MTERF4: variants seen among roughly 807,000 people sequenced by gnomAD.
MTERF4 encodes mitochondrial transcription termination factor 4.
A neutral mutation model predicts 22.5 loss-of-function variants in MTERF4; 17 were observed. The observed-to-expected ratio is 0.75, with a 90% CI of 0.52 to 1.13. The LOEUF (loss-of-function observed/expected upper bound fraction) is 1.13, where lower values mean the gene tolerates loss of function less well. Ranked by LOEUF, MTERF4 falls within the 50% of genes most tolerant of loss-of-function variation. The probability of loss-of-function intolerance (pLI) is 0.00; values close to 1 mark genes in which losing one functional copy is unlikely to be tolerated. For missense variants in MTERF4, 420 were observed against 466.8 expected, an observed-to-expected ratio of 0.90 and a Z score of 0.92; for synonymous variants, 165 against 175.3, an observed-to-expected ratio of 0.94 and a Z score of 0.47.
chr2:241,048,760 G>C, the MTERF4 span: 1 of 1,609,208 alleles, frequency 6.2e-7, no homozygotes. Context: ...GCTTCTCTGT[G>C]AATTTGGTAG....
In MTERF4 at chr2:241,099,559, G is replaced by A. The variant is rs774992132; in HGVS notation, c.357C>T (p.Ala119=). 1.9e-6 allele frequency: 3 copies of A among 1,614,188 alleles called. No homozygotes were observed. Among genetic ancestry groups the A allele is most frequent in the Non-Finnish European group, 2.5e-6 (3 of 1,180,036 alleles). ...INELLSVRRG[A]SLQQLLDIIS... ...TGATGTCCAGCAACTGTTGAAGACT[G>A]GCACCTCGCCGTACACTGAGCAATT... The change falls in exon 2 of 4, where the codon GCC becomes GCT. Residue 119 remains alanine, a synonymous_variant. Coordinates refer to ENST00000391980, the MANE Select transcript of MTERF4 (RefSeq NM_182501.4).
downstream of MTERF4, among the ~76,000 whole-genome samples, chr2:241,085,172 TTTTGCCATTA>T (rs1241977656): frequency 6.6e-6 from 1 of 152,188 alleles, no homozygotes; most frequent in African/African-American, 2.4e-5. Context: ...TTCGTAAAAT[TTTTGCCATTA>T]TTTCTTCATA....
At chr2:241,088,242 C>T, downstream of MTERF4, 1 of 740,894 alleles carries the variant, frequency 1.3e-6, no homozygotes, top group African/African-American at 1.7e-5. Flanking sequence ...AATGGTGTCC[C>T]CCACCGTGGA....
chr2:241,085,860 C>CTTTTTTTTTTT (rs772995766), downstream of MTERF4, among the ~76,000 whole-genome samples: 13 of 79,188 alleles, frequency 1.6e-4, no homozygotes, highest in Non-Finnish European at 2.4e-4. Context: ...TCTGCGGTTT[C>CTTTTTTTTTTT]TTTTTTTTTT....
At chr2:241,093,724 C>A (rs2064197863), downstream of MTERF4, 1 of 152,292 alleles carries the variant, frequency 6.6e-6, no homozygotes, top group Non-Finnish European at 1.5e-5. Flanking sequence ...AGTAAAAAGA[C>A]TTCCTGGTGC....
intron 2 of MTERF4, 40 bp from the exon 3 acceptor site, chr2:241,097,467 A>G (rs1241520027): frequency 6.3e-7 from 1 of 1,581,698 alleles, no homozygotes; most frequent in Non-Finnish European, 8.6e-7. Flanking sequence ...TAATTTCAGG[A>G]TACTCCAGAA....
downstream of MTERF4, chr2:241,082,295 G>A (rs577568792): frequency 3.3e-5 from 54 of 1,612,926 alleles, no homozygotes; most frequent in East Asian, 4.5e-5. Context: ...AAGGTGTCCC[G>A]CCCCTGCACA....
At chr2:241,094,274 C>T (rs1463585622), downstream of MTERF4, 1 of 468,842 alleles carries the variant, frequency 2.1e-6, no homozygotes, top group Non-Finnish European at 4.4e-6. The surrounding 1 kb of genome is among the most constrained non-coding windows in gnomAD (Gnocchi z 4.3). Flanking sequence ...GGTATCAGCT[C>T]ACCTCCTGCA....
At chr2:241,064,752 G>A in the MTERF4 span, 2 of 883,290 alleles carry the variant, frequency 2.3e-6, no homozygotes, top group Non-Finnish European at 3.4e-6. The surrounding 1 kb of genome is among the most constrained non-coding windows in gnomAD (Gnocchi z 7.0). Context: ...CACCCACGCA[G>A]GAGGGACCCA....
At chr2:241,099,933 T>C in intron 1 of MTERF4, 39 bp from the exon 2 acceptor site, 1 of 1,593,442 alleles carries the variant, frequency 6.3e-7, no homozygotes. Context: ...AATTCCTCAC[T>C]ATTCCAGTGT....
At position 241,095,824 on chromosome 2, in the gene MTERF4, TGTTTG is replaced by T. The variant is rs1016155762; in HGVS notation, c.*169_*173del. On this transcript the variant is annotated 3_prime_UTR_variant, in exon 4 of 4. Coordinates refer to ENST00000391980, the MANE Select transcript of MTERF4 (RefSeq NM_182501.4). The stretch of plus-strand genomic sequence containing the variant: ...GATCAAACATGCATTTCCTGTTTCC[TGTTTG>T]GTTTGATCTGTCTGCCTCTCAGGTG... 1.2e-5 allele frequency: 14 copies of T among 1,182,464 alleles called. No homozygotes were observed. The highest frequency in any genetic ancestry group is 4.7e-5 in the East Asian group (2 of 42,524). The allele number at this position is 1,182,464 out of a possible 1,614,324, so 73.2% of individuals were successfully genotyped here.
At chr2:241,090,595 C>T, downstream of MTERF4, 1 of 979,252 alleles carries the variant, frequency 1.0e-6, no homozygotes, top group Middle Eastern at 3.6e-4. Context: ...AGCATCACCA[C>T]AAACACAAAA....
downstream of MTERF4, chr2:241,088,354 A>C: frequency 6.2e-7 from 1 of 1,602,510 alleles, no homozygotes; most frequent in Non-Finnish European, 8.6e-7. Flanking sequence ...ACTTTTCTCT[A>C]ATTATTTCAG....
chr2:241,097,341 C>T lies in MTERF4; in HGVS notation c.607G>A (p.Glu203Lys). 1 of 1,614,184 alleles carries T rather than the reference C, an allele frequency of 6.2e-7. No homozygotes were observed. The highest frequency in any genetic ancestry group is 8.5e-7 in the Non-Finnish European group (1 of 1,180,028). The change falls in exon 3 of 4, where the codon GAG becomes AAG. Residue 203 changes from glutamate to lysine, a missense_variant. Glu to Lys is a moderately conservative substitution (Grantham distance 56). Transcript: ENST00000391980. ...DINDTVRLLKEKCLFTVQQVT... is the reference protein window; with the variant it reads ...DINDTVRLLKKKCLFTVQQVT... ...TGCTGTACCGTGAAAAGGCACTTCT[C>T]CTTGAGAAGCCTGACAGTGTCGTTA...
At chr2:241,074,003 A>T (rs1478552438) in exon 5 of MTERF4, 1 of 152,950 alleles carries the variant, frequency 6.5e-6, no homozygotes, top group Non-Finnish European at 1.5e-5. Flanking sequence ...GTCAGACTCT[A>T]CCTTTCTCCT....
At chr2:241,066,806 T>C in the MTERF4 span, among the ~76,000 whole-genome samples, 1 of 152,172 alleles carries the variant, frequency 6.6e-6, no homozygotes, top group Non-Finnish European at 1.5e-5. Flanking sequence ...CCTAGCTTGA[T>C]GCCAATGCCA....
At chr2:241,062,233 C>T in the MTERF4 span, among the ~76,000 whole-genome samples, 4 of 152,144 alleles carry the variant, frequency 2.6e-5, no homozygotes, top group South Asian at 2.1e-4. Flanking sequence ...GGTACACGGT[C>T]GGATGAGCCC....
chr2:241,069,841 T>G, downstream of MTERF4: 15 of 1,509,614 alleles, frequency 9.9e-6, no homozygotes, highest in South Asian at 1.9e-4. This position sits in a 1 kb window ranked among gnomAD's most constrained non-coding sequence, Gnocchi z 4.9. Context: ...CGGCAGCCCA[T>G]GTCCGGTTCT....
At chr2:241,089,362 G>A (rs555436993), downstream of MTERF4, 141 of 1,550,376 alleles carry the variant, frequency 9.1e-5, no homozygotes, top group African/African-American at 6.4e-4. Context: ...GTTTTGTTAC[G>A]TGCCTAAAAA....
Sources: gnomAD v4.1 joint callset for allele counts (sites outside exome capture counted in the v4.1 genomes callset) on GRCh38, gnomAD v4.1.1 for gene constraint, Gnocchi (gnomAD v3.1) non-coding constraint, MANE v1.5 for transcripts, NCBI Gene and HGNC (gene_info 2026-07-23, HGNC 2026-07-21) for gene names.